ZC3H7B: variants seen among roughly 807,000 people sequenced by gnomAD.
The protein encoded by ZC3H7B is zinc finger CCCH-type containing 7B, also known as zinc finger CCCH domain-containing protein 7B.
A neutral mutation model predicts 116.0 loss-of-function variants in ZC3H7B; 35 were observed. That is an observed-to-expected ratio of 0.30 (90% CI 0.23 to 0.40). ZC3H7B has a LOEUF of 0.40. Ranked by LOEUF, ZC3H7B falls within the 10% of genes least tolerant of loss-of-function variation. ZC3H7B has a pLI of 1.00. For missense variants in ZC3H7B, 1,011 were observed against 1,321.5 expected (o/e 0.77, Z 3.64); for synonymous variants, 502 against 545.6 (o/e 0.92, Z 1.11).
At chr22:41,311,675 G>C (rs573687599) in intron 1 of ZC3H7B, among the ~76,000 whole-genome samples, 12 of 152,210 alleles carry the variant, frequency 7.9e-5, no homozygotes, top group African/African-American at 2.9e-4. Context: ...CCTGGCAGGA[G>C]GAAGAGATAG....
At chr22:41,316,318 C>G (rs1338112628) in intron 1 of ZC3H7B, among the ~76,000 whole-genome samples, 1 of 146,070 alleles carries the variant, frequency 6.8e-6, no homozygotes, top group African/African-American at 2.6e-5. Flanking sequence ...TTTTTTTGAA[C>G]AGGGTCTCGC....
At chr22:41,315,363 T>TTC (rs1319854893) in intron 1 of ZC3H7B, among the ~76,000 whole-genome samples, 2 of 150,378 alleles carry the variant, frequency 1.3e-5, no homozygotes, top group Non-Finnish European at 3.0e-5. Flanking sequence ...TTTTTTTTTT[T>TTC]TTTTTTTGTA....
rs111360762 is a variant in ZC3H7B, at chr22:41,325,462, A to G, written c.54-102A>G. On this transcript the variant is annotated intron_variant, in intron 2 of 22. Coordinates refer to ENST00000352645, the MANE Select transcript of ZC3H7B (RefSeq NM_017590.6). The stretch of plus-strand genomic sequence containing the variant: ...AACCGCAGTCTGTTCACCCTAGTCC[A>G]CAAGGTGATGGCTGAGGTCTGAGTT... 6.7e-6 allele frequency: 10 copies of G among 1,486,380 alleles called. No individual in the cohort carries two copies. In the African/African-American group the frequency reaches 7.0e-5, roughly 10 times the overall value. 92.1% of individuals were successfully genotyped at this position (1,486,380 alleles called of 1,614,324 possible).
chr22:41,327,295 T>G lies in ZC3H7B; in HGVS notation c.375T>G (p.Ala125=), dbSNP rs760427403. 28 of 1,613,940 alleles carry G rather than the reference T, an allele frequency of 1.7e-5. No homozygotes were observed. The highest frequency in any genetic ancestry group is 2.4e-5 in the Non-Finnish European group (28 of 1,180,036). Residue 125 remains alanine (A), a synonymous_variant, in exon 5 of 23, where the codon GCT becomes GCG. Coordinates refer to ENST00000352645, the MANE Select transcript of ZC3H7B (RefSeq NM_017590.6). This position sits in a 1 kb window ranked among gnomAD's most constrained non-coding sequence, Gnocchi z 4.5. ...SIRALFRKAR[A]LNELGRHKEA... ...GGGCGTTGTTCCGCAAGGCACGCGC[T>G]CTCAATGAACTGGGACGCCACAAGG...
intron 10 of ZC3H7B, among the ~76,000 whole-genome samples, chr22:41,340,642 T>A (rs1277857627): frequency 6.6e-6 from 1 of 152,128 alleles, no homozygotes; most frequent in Non-Finnish European, 1.5e-5. Context: ...GGAGGGGACT[T>A]CACTCAGCCT....
chr22:41,325,709 T>C lies in ZC3H7B; in HGVS notation c.88-12T>C, dbSNP rs1180839626. The stretch of plus-strand genomic sequence containing the variant: ...GAGGTCATGAGCCCCCTACACACCT[T>C]GCCCCCAACAGGCCTTTCTGCTCAA... On this transcript the variant is annotated splice_polypyrimidine_tract_variant and intron_variant, in intron 3 of 22. Coordinates refer to ENST00000352645, the MANE Select transcript of ZC3H7B (RefSeq NM_017590.6). 4.3e-6 allele frequency: 7 copies of C among 1,611,656 alleles called. No homozygotes were observed. Among genetic ancestry groups the C allele is most frequent in the Non-Finnish European group, 5.9e-6 (7 of 1,179,062 alleles).
chr22:41,306,471 T>C (rs2036042716), intron 1 of ZC3H7B, among the ~76,000 whole-genome samples: 1 of 151,558 alleles, frequency 6.6e-6, no homozygotes, highest in Non-Finnish European at 1.5e-5. Context: ...CCTCCCGGGT[T>C]CAAGTGATCC....
chr22:41,335,612 C>T (rs995230852), intron 7 of ZC3H7B: 1 of 152,328 alleles, frequency 6.6e-6, no homozygotes, highest in East Asian at 1.9e-4. Context: ...GATAGCAGCT[C>T]TGTGATCCAG....
At chr22:41,321,933 G>A (rs1198320697) in intron 2 of ZC3H7B, among the ~76,000 whole-genome samples, 7 of 122,896 alleles carry the variant, frequency 5.7e-5, no homozygotes, top group Admixed American at 2.7e-4. Flanking sequence ...TCCGCCTCCC[G>A]GGTTCACGCC....
intron 1 of ZC3H7B, among the ~76,000 whole-genome samples, chr22:41,303,070 T>G (rs2035993731): frequency 6.6e-6 from 1 of 152,222 alleles, no homozygotes; most frequent in Non-Finnish European, 1.5e-5. Flanking sequence ...TGGCAGAATC[T>G]TTAGTTCTAC....
At chr22:41,318,546 A>AG (rs1269724773) in intron 1 of ZC3H7B, among the ~76,000 whole-genome samples, 3 of 150,728 alleles carry the variant, frequency 2.0e-5, no homozygotes, top group Non-Finnish European at 4.4e-5. Flanking sequence ...AAAAAAAAAA[A>AG]AGACCAGCCT....
At chr22:41,350,302 C>T (rs1471534095) in intron 16 of ZC3H7B, among the ~76,000 whole-genome samples, 1 of 152,170 alleles carries the variant, frequency 6.6e-6, no homozygotes, top group African/African-American at 2.4e-5. Flanking sequence ...ATGTAAGAGT[C>T]TCTAGGCCTT....
Position 41,355,592 on chromosome 22 carries a change from G to C in ZC3H7B, c.2158G>C (p.Ala720Pro). 6.2e-7 allele frequency: 1 copy of C among 1,614,164 alleles called. No homozygotes were observed. Residue 720 changes from alanine (A) to proline (P), a missense_variant, in exon 18 of 23, where the codon GCC becomes CCC. Around this residue, in one of 5 missense-constraint regions of ZC3H7B, gnomAD observed 406 missense variants for 590.2 expected, o/e 0.69. Transcript: ENST00000352645. ...DKDLKYCSAKARHCWTKERRV... is the reference protein window; with the variant it reads ...DKDLKYCSAKPRHCWTKERRV... ...GGACCTCAAGTACTGTAGTGCCAAG[G>C]CCCGGCACTGGTGAGTGGGATGCCA... is the stretch of plus-strand genomic sequence containing the variant.
chr22:41,343,408 C>T lies in ZC3H7B; in HGVS notation c.1298-7C>T, dbSNP rs777772801. On this transcript the variant is annotated splice_region_variant and splice_polypyrimidine_tract_variant and intron_variant, in intron 12 of 22. Transcript: ENST00000352645. ...GGAATTATCATGTGTGTCCACCCTG[C>T]CCATAGGCCCCCGGGCTGGCGACTA... The T allele has an allele frequency of 6.2e-6, 10 of 1,604,660 alleles. No homozygotes were observed. Among genetic ancestry groups the T allele is most frequent in the African/African-American group, 1.3e-5 (1 of 74,792 alleles).
chr22:41,339,127 G>A lies in ZC3H7B; in HGVS notation c.752G>A (p.Ser251Asn). Residue 251 changes from serine (S) to asparagine (N), a missense_variant, in exon 9 of 23, where the codon AGC becomes AAC. Physicochemically the swap from Ser to Asn is conservative, Grantham distance 46 (BLOSUM62 1). Coordinates refer to ENST00000352645, the MANE Select transcript of ZC3H7B (RefSeq NM_017590.6). ...AGCAGGACCCTCCCCAGCACCGACA[G>A]CCTGGATGACTTCTCAGACGGGGAT... is the stretch of plus-strand genomic sequence containing the variant. ...DSSRTLPSTD[S>N]LDDFSDGDVF... is the part of the protein sequence containing the mutation. 1 of 1,613,004 alleles carries A rather than the reference G, an allele frequency of 6.2e-7. No homozygotes were observed. Among genetic ancestry groups the A allele is most frequent in the African/African-American group, 1.3e-5 (1 of 75,008 alleles).
In ZC3H7B at chr22:41,338,423, C is replaced by T; in HGVS notation, c.625+68C>T. 1 of 1,546,156 alleles carries T rather than the reference C, an allele frequency of 6.5e-7. No homozygotes were observed. Among genetic ancestry groups the T allele is most frequent in the South Asian group, 1.2e-5 (1 of 86,124 alleles). ...CGAGAGGTCAGGGGAGTCGAGCCCC[C>T]TCCCCATCCCAGCCCTGTAGATGGG... is the stretch of plus-strand genomic sequence containing the variant. On this transcript the variant is annotated intron_variant, in intron 8 of 22. Coordinates refer to ENST00000352645, the MANE Select transcript of ZC3H7B (RefSeq NM_017590.6). This position sits in a 1 kb window ranked among gnomAD's most constrained non-coding sequence, Gnocchi z 4.5.
At chr22:41,318,232 T>C (rs2145906617) in intron 1 of ZC3H7B, among the ~76,000 whole-genome samples, 1 of 151,970 alleles carries the variant, frequency 6.6e-6, no homozygotes, top group Middle Eastern at 3.4e-3. Flanking sequence ...ACCAGGAGTT[T>C]AAGACCAGCC....
intron 1 of ZC3H7B, among the ~76,000 whole-genome samples, chr22:41,317,334 C>T (rs2036197863): frequency 6.6e-6 from 1 of 152,020 alleles, no homozygotes. Flanking sequence ...GGGCAACAGC[C>T]ATGTGGTGCA....
chr22:41,314,673 G>A (rs1263321209), intron 1 of ZC3H7B, among the ~76,000 whole-genome samples: 3 of 150,672 alleles, frequency 2.0e-5, no homozygotes, highest in South Asian at 2.1e-4. Context: ...GCAGTGGCAC[G>A]ATCTCGGCTC....
Sources: allele counts gnomAD v4.1 joint callset (sites outside exome capture counted in the v4.1 genomes callset), GRCh38; gene constraint gnomAD v4.1.1; regional missense constraint gnomAD v4.1.1; non-coding constraint Gnocchi (gnomAD v3.1); transcripts MANE v1.5; gene names NCBI Gene and HGNC (gene_info 2026-07-23, HGNC 2026-07-21).